PKD1L3: variants seen among roughly 807,000 people sequenced by gnomAD.
The protein encoded by PKD1L3 is polycystin-1-like protein 3.
Under a neutral mutation model 184.1 loss-of-function variants are expected in PKD1L3, and 239 were observed. That is an observed-to-expected ratio of 1.30 (90% CI 1.17 to 1.45). PKD1L3 has a LOEUF of 1.45. Among genes scored for constraint, PKD1L3 ranks in the 40% most tolerant of loss-of-function variants. PKD1L3 has a pLI of 0.00. For missense variants in PKD1L3, 2,660 were observed against 2,067.2 expected (o/e 1.29, Z -5.56); for synonymous variants, 996 against 778.8 (o/e 1.28, Z -4.64).
intron 9 of PKD1L3, 94 bp from the exon 10 acceptor site, chr16:71,978,477 GTGTGTGTGTGTGTGTGTGT>G: frequency 6.4e-6 from 1 of 156,670 alleles, no homozygotes; most frequent in Non-Finnish European, 1.1e-5. Context: ...ATGTATATAT[GTGTGTGTGTGTGTGTGTGT>G]ATATATATAT....
chr16:71,990,317 A>T lies in PKD1L3; in HGVS notation c.548T>A (p.Leu183His). 6.5e-7 allele frequency: 1 copy of T among 1,548,220 alleles called. No individual in the cohort carries two copies. Among genetic ancestry groups the T allele is most frequent in the East Asian group, 2.4e-5 (1 of 40,828 alleles). Residue 183 changes from leucine (L) to histidine (H), a missense_variant, in exon 4 of 30, where the codon CTT becomes CAT. Leu to His is a moderately conservative substitution (Grantham distance 99, BLOSUM62 -3). Transcript: ENST00000620267. Reference protein sequence around the residue: ...RDKMPPGPGHLPTTCHYPLPA... With the variant: ...RDKMPPGPGHHPTTCHYPLPA... ...AAGAGGATAGTGACATGTGGTTGGA[A>T]GATGACCAGGTCCTATAGAAAAAAG...
rs1444574634 is a variant in PKD1L3, at chr16:71,935,403, G to C, written c.4568C>G (p.Ser1523Cys). The change falls in exon 26 of 30, where the codon TCT (serine) becomes TGT (cysteine). Residue 1523 changes from serine (S) to cysteine (C), a missense_variant. Transcript: ENST00000620267. ...ILLGLDMKSI[S>C]LHKKNMARYR... ...TCGTGCCATGTTTTTCTTATGTAGA[G>C]AAATACTCTTCATGTCAAGCCCCAG... The C allele has an allele frequency of 2.6e-6, 4 of 1,551,722 alleles. No homozygotes were observed. Among genetic ancestry groups the C allele is most frequent in the Non-Finnish European group, 3.5e-6 (4 of 1,147,018 alleles).
At chr16:71,946,104 A>G (rs1017079285) in intron 22 of PKD1L3, among the ~76,000 whole-genome samples, 2 of 152,150 alleles carry the variant, frequency 1.3e-5, no homozygotes, top group African/African-American at 4.8e-5. Flanking sequence ...GATTACAGGC[A>G]TGCACCACCA....
At chr16:71,978,449 G>T in intron 9 of PKD1L3, 66 bp from the exon 10 acceptor site, 19 of 1,324,522 alleles carry the variant, frequency 1.4e-5, no homozygotes, top group East Asian at 6.3e-5. Context: ...CCACTAGAAA[G>T]ATATATCATA....
In PKD1L3 at chr16:71,988,529, T is replaced by C. The variant is rs78328399; in HGVS notation, c.585+1751A>G. On this transcript the variant is annotated intron_variant, in intron 4 of 29. Transcript: ENST00000620267. The stretch of plus-strand genomic sequence containing the variant: ...GAAAGTTCAGATGGGAGATGGTGAC[T>C]TGGACCATGTGGTGATCGTGGTGAC... 7.2e-3 allele frequency among the ~76,000 whole-genome samples: 1,099 copies of C among 152,318 alleles called. 16 individuals carry two copies. The highest frequency in any genetic ancestry group is 0.024 in the African/African-American group (1,017 of 41,556).
intron 16 of PKD1L3, among the ~76,000 whole-genome samples, chr16:71,955,292 G>A (rs1363312102): frequency 6.6e-6 from 1 of 151,910 alleles, no homozygotes; most frequent in African/African-American, 2.4e-5. Context: ...AGGTGCAGTG[G>A]CAGGGAGAGG....
chr16:71,980,066 G>C lies in PKD1L3; in HGVS notation c.1212C>G (p.Asn404Lys), dbSNP rs1482589921. The part of the protein sequence containing the change: ...GNIGEAFLEQ[N>K]QSPESSVTLT... ...AAGTCACTGAAGACTCGGGAGACTGGTTCTGCTCTAGAAATGCTTCCCCGA... is the reference window on the plus strand; with the variant it reads ...AAGTCACTGAAGACTCGGGAGACTGCTTCTGCTCTAGAAATGCTTCCCCGA... Residue 404 changes from asparagine to lysine, a missense_variant, in exon 8 of 30, where the codon AAC (asparagine) becomes AAG (lysine). By Grantham distance (94) the Asn-to-Lys change is moderately conservative. Transcript: ENST00000620267. The C allele has an allele frequency of 6.4e-7, 1 of 1,551,754 alleles. No homozygotes were observed. The highest frequency in any genetic ancestry group is 1.2e-5 in the South Asian group (1 of 84,068).
At chr16:71,979,962 G>C (rs141699160) in intron 8 of PKD1L3, 45 bp downstream of exon 8, 36 of 1,549,632 alleles carry the variant, frequency 2.3e-5, no homozygotes, top group Non-Finnish European at 3.1e-5. Flanking sequence ...TCCTCTGAAA[G>C]TGAAAAACAC....
At chr16:71,931,114 C>A (rs1389090630) in intron 28 of PKD1L3, 1 of 151,978 alleles carries the variant, frequency 6.6e-6, no homozygotes, top group Non-Finnish European at 1.5e-5. Context: ...ATGTTTTTTA[C>A]TTTATGTTTA....
At position 71,977,560 on chromosome 16, in the gene PKD1L3, C is replaced by CTTTT. The variant is rs1555523481; in HGVS notation, c.1528-97_1528-94dup. The CTTTT allele has an allele frequency of 9.4e-5, 51 of 543,416 alleles. 1 individual carries two copies. The highest frequency in any genetic ancestry group is 1.1e-4 in the Non-Finnish European group (40 of 352,924). 33.7% of individuals were successfully genotyped at this position (543,416 alleles called of 1,614,324 possible). On this transcript the variant is annotated intron_variant, in intron 10 of 29. Coordinates refer to ENST00000620267, the MANE Select transcript of PKD1L3 (RefSeq NM_181536.2). ...GATAAGGTAAGGAAACGTCCTAGCTCTTTTTTTTTTTTTTTTTTTTGAGAT... is the reference window on the plus strand; with the variant it reads ...GATAAGGTAAGGAAACGTCCTAGCTCTTTTTTTTTTTTTTTTTTTTTTTTGAGAT...
intron 16 of PKD1L3, among the ~76,000 whole-genome samples, chr16:71,962,951 A>G (rs1401949967): frequency 1.3e-5 from 2 of 152,158 alleles, no homozygotes; most frequent in African/African-American, 4.8e-5. Flanking sequence ...AAATTTATAA[A>G]TGATTCTCTA....
In PKD1L3 at chr16:71,979,777, C is replaced by A; in HGVS notation, c.1398+9G>T. The A allele has an allele frequency of 6.7e-7, 1 of 1,486,526 alleles. No individual in the cohort carries two copies. The highest frequency in any genetic ancestry group is 8.9e-7 in the Non-Finnish European group (1 of 1,121,752). The allele number at this position is 1,486,526 out of a possible 1,614,324, so 92.1% of individuals were successfully genotyped here. On this transcript the variant is annotated intron_variant, in intron 9 of 29. Transcript: ENST00000620267. ...TTTTCATTCTGATCACAATCAATTT[C>A]ACACTCACTTGGACATTAACTCCTG...
At chr16:71,984,281 A>C in intron 5 of PKD1L3, 114 bp from the exon 6 acceptor site, 1 of 1,022,042 alleles carries the variant, frequency 9.8e-7, no homozygotes, top group Middle Eastern at 3.1e-4. Flanking sequence ...AACCCTATGA[A>C]CCACAGCTCT....
chr16:71,931,172 T>C (rs2037947479), intron 28 of PKD1L3: 1 of 152,222 alleles, frequency 6.6e-6, no homozygotes, highest in Admixed American at 6.5e-5. Context: ...GTTCCTTTTT[T>C]ATCCCCAAAA....
chr16:71,978,642 C>A (rs987568738), intron 9 of PKD1L3, among the ~76,000 whole-genome samples: 1 of 150,850 alleles, frequency 6.6e-6, no homozygotes, highest in Non-Finnish European at 1.5e-5. Flanking sequence ...CAGGTTCAAG[C>A]GATTCTCCTG....
intron 24 of PKD1L3, among the ~76,000 whole-genome samples, chr16:71,940,667 T>C (rs1385630363): frequency 1.3e-5 from 2 of 151,716 alleles, no homozygotes; most frequent in African/African-American, 4.8e-5. Flanking sequence ...GCCTGGCTAA[T>C]TTTTGTATTT....
intron 15 of PKD1L3, among the ~76,000 whole-genome samples, chr16:71,965,714 C>T (rs1200015747): frequency 1.3e-5 from 2 of 152,052 alleles, no homozygotes; most frequent in Non-Finnish European, 1.5e-5. Context: ...CCACCATGCC[C>T]GGCTAATTTT....
chr16:71,961,151 A>C (rs943564402), intron 16 of PKD1L3, among the ~76,000 whole-genome samples: 1 of 151,774 alleles, frequency 6.6e-6, no homozygotes, highest in African/African-American at 2.4e-5. Context: ...TTTGAGATGG[A>C]GTCTTCACTC....
rs574507160 is a variant in PKD1L3 at position 71,986,797 on chromosome 16, G to T, written c.586-328C>A. 9.9e-5 allele frequency among the ~76,000 whole-genome samples: 15 copies of T among 152,156 alleles called. No homozygotes were observed. The East Asian group carries it at 2.9e-3, about 29-fold the overall frequency. ...CTGCGCTTGTCGAGCCCCTGTGTTA[G>T]TGGTAGAGGCAGAGAAACAAATTAT... On this transcript the variant is annotated intron_variant, in intron 4 of 29. Coordinates refer to ENST00000620267, the MANE Select transcript of PKD1L3 (RefSeq NM_181536.2).
Sources: gnomAD v4.1 joint callset for allele counts (sites outside exome capture counted in the v4.1 genomes callset) on GRCh38, gnomAD v4.1.1 for gene constraint, MANE v1.5 for transcripts, NCBI Gene and HGNC (gene_info 2026-07-23, HGNC 2026-07-21) for gene names.